DOCK4: variants seen among roughly 807,000 people sequenced by gnomAD.
DOCK4 encodes the protein dedicator of cytokinesis 4.
Under a neutral mutation model 268.1 loss-of-function variants are expected in DOCK4, and 97 were observed. The observed-to-expected ratio is 0.36, with a 90% CI of 0.31 to 0.43. The LOEUF (loss-of-function observed/expected upper bound fraction) is 0.43, where lower values mean the gene tolerates loss of function less well. Ranked by LOEUF, DOCK4 falls within the 20% of genes least tolerant of loss-of-function variation. The probability of loss-of-function intolerance (pLI) is 1.00; values close to 1 mark genes in which losing one functional copy is unlikely to be tolerated. For synonymous variants in DOCK4, 954 were observed against 887.2 expected (o/e 1.08, Z -1.34); for missense variants, 2,145 against 2,455.7 (o/e 0.87, Z 2.67).
Position 111,915,868 on chromosome 7 carries a change from A to G in DOCK4, c.1103T>C (p.Ile368Thr). ...TGAATATTCCCTTCTGATTTGTTCA[A>G]TGTCTCCGTGCAATAGCTGTAAGGA... is the stretch of plus-strand genomic sequence containing the variant. ...AVSLQLLHGD[I>T]EQIRREYSSV... The change falls in exon 13 of 53, where the codon ATT becomes ACT. Residue 368 changes from isoleucine to threonine, a missense_variant. Ile to Thr is a moderately conservative substitution (Grantham distance 89). This residue lies in a region of DOCK4 where 1,598 missense variants were observed against 1,986.7 expected (regional missense o/e 0.80). Coordinates refer to ENST00000428084, the MANE Select transcript of DOCK4 (RefSeq NM_001363540.2). The G allele has an allele frequency of 1.2e-6, 2 of 1,612,604 alleles. No individual in the cohort carries two copies. Among genetic ancestry groups the G allele is most frequent in the Non-Finnish European group, 8.5e-7 (1 of 1,179,294 alleles).
intron 35 of DOCK4, among the ~76,000 whole-genome samples, chr7:111,782,453 T>G (rs1478432450): frequency 1.3e-5 from 2 of 152,194 alleles, no homozygotes; most frequent in Non-Finnish European, 2.9e-5. Flanking sequence ...AAATGTGGAC[T>G]GCATATCACT....
chr7:112,173,370 CTTG>C (rs1290114690), intron 1 of DOCK4, among the ~76,000 whole-genome samples: 2 of 152,274 alleles, frequency 1.3e-5, no homozygotes, highest in African/African-American at 2.4e-5. Context: ...GACAATAGCC[CTTG>C]TTGTACTAAA....
In DOCK4 at chr7:111,936,485, A is replaced by AATGAATGGATGAATGG. The variant is rs371416256; in HGVS notation, c.978-858_978-857insCCATTCATCCATTCAT. Among the ~76,000 whole-genome samples, 381 of 148,168 alleles carry AATGAATGGATGAATGG rather than the reference A, an allele frequency of 2.6e-3. 2 individuals carry two copies. The highest frequency in any genetic ancestry group is 9.4e-3 in the African/African-American group (368 of 39,004). Reference sequence around the variant, plus strand: ...ATGCTTAAAAACTGTCAGTGGTATGAATGGATGGATGGATGGATGGATGGA... The same window carrying AATGAATGGATGAATGG: ...ATGCTTAAAAACTGTCAGTGGTATGAATGAATGGATGAATGGATGGATGGATGGATGGATGGATGGA... On this transcript the variant is annotated intron_variant, in intron 11 of 52. Coordinates refer to ENST00000428084, the MANE Select transcript of DOCK4 (RefSeq NM_001363540.2).
chr7:111,734,884 T>C (rs1795361793), intron 51 of DOCK4, among the ~76,000 whole-genome samples, 170 bp downstream of exon 51: 1 of 152,174 alleles, frequency 6.6e-6, no homozygotes, highest in African/African-American at 2.4e-5. Flanking sequence ...TGACCCCGTG[T>C]AATAGAAGTT....
rs993006085 is a variant in DOCK4, at chr7:111,741,441, T to C, written c.4919+99A>G. Reference sequence around the variant, plus strand: ...GCGGGTTAGTTATTTCATTAAGAAATAGCGTATTTGACAAATTGTGCCATA... The same window carrying C: ...GCGGGTTAGTTATTTCATTAAGAAACAGCGTATTTGACAAATTGTGCCATA... On this transcript the variant is annotated intron_variant, in intron 46 of 52. Transcript: ENST00000428084. 5 of 1,513,054 alleles carry C rather than the reference T, an allele frequency of 3.3e-6. No homozygotes were observed. The African/African-American group carries it at 4.2e-5, about 13-fold the overall frequency. 93.7% of individuals were successfully genotyped at this position (1,513,054 alleles called of 1,614,324 possible).
At chr7:111,936,515 T>TAGATGGAC (rs1794752088) in intron 11 of DOCK4, among the ~76,000 whole-genome samples, 1 of 152,030 alleles carries the variant, frequency 6.6e-6, no homozygotes, top group Admixed American at 6.6e-5. Context: ...GATGGATGGA[T>TAGATGGAC]GGATGGATGG....
At chr7:112,123,362 T>C (rs1812918998) in intron 1 of DOCK4, among the ~76,000 whole-genome samples, 1 of 152,184 alleles carries the variant, frequency 6.6e-6, no homozygotes. Context: ...CAAAGTGCCG[T>C]ATTTGGGGAT....
rs756646131 is a variant in DOCK4, at chr7:111,769,727, T to C, written c.3680-50A>G. The stretch of plus-strand genomic sequence containing the variant: ...GATTGAGACAGGACCCCAAGCCACA[T>C]TCCCTCAAATGTGGCCAGTTTCCGA... On this transcript the variant is annotated intron_variant, in intron 36 of 52. Transcript: ENST00000428084. The C allele has an allele frequency of 1.3e-5, 20 of 1,578,432 alleles. No homozygotes were observed. In the East Asian group the frequency reaches 2.5e-4, roughly 20 times the overall value.
intron 1 of DOCK4, among the ~76,000 whole-genome samples, chr7:112,039,765 C>T (rs1378615954): frequency 6.6e-6 from 1 of 152,004 alleles, no homozygotes; most frequent in Non-Finnish European, 1.5e-5. Context: ...AATCAGAGAA[C>T]CTAGTTACTC....
intron 20 of DOCK4, among the ~76,000 whole-genome samples, chr7:111,871,671 T>C (rs1262380946): frequency 6.6e-6 from 1 of 152,228 alleles, no homozygotes; most frequent in African/African-American, 2.4e-5. Flanking sequence ...AGTGATGAAG[T>C]GGGACTCTTA....
At chr7:112,097,682 A>G (rs1437778168) in intron 1 of DOCK4, among the ~76,000 whole-genome samples, 2 of 152,346 alleles carry the variant, frequency 1.3e-5, no homozygotes, top group East Asian at 3.9e-4. Context: ...TCTGATCAGT[A>G]TTGTTTGTAA....
chr7:111,918,163 A>G (rs1259210106), intron 12 of DOCK4, among the ~76,000 whole-genome samples: 1 of 152,236 alleles, frequency 6.6e-6, no homozygotes, highest in Non-Finnish European at 1.5e-5. Flanking sequence ...AATCGGAGCT[A>G]GATGAGGGGC....
chr7:112,143,708 TATAAA>T, intron 1 of DOCK4, among the ~76,000 whole-genome samples: 1 of 152,274 alleles, frequency 6.6e-6, no homozygotes, highest in African/African-American at 2.4e-5. Context: ...AATGTGTTTA[TATAAA>T]GTCTCCTGAG....
At chr7:111,742,288 A>G (rs930148208) in intron 44 of DOCK4, among the ~76,000 whole-genome samples, 156 bp from the exon 45 acceptor site, 1 of 152,198 alleles carries the variant, frequency 6.6e-6, no homozygotes, top group South Asian at 2.1e-4. Context: ...ACAGGTGAAG[A>G]AAAACTGAGG....
intron 27 of DOCK4, chr7:111,820,991 T>TAA (rs558498066): frequency 3.9e-5 from 6 of 152,164 alleles, no homozygotes; most frequent in Non-Finnish European, 8.8e-5. Flanking sequence ...TACTCACAGA[T>TAA]ATCAAACTAA....
In DOCK4 at chr7:111,747,235, C is replaced by T. The variant is rs773006195; in HGVS notation, c.4593+32G>A. 9 of 1,588,068 alleles carry T rather than the reference C, an allele frequency of 5.7e-6. No individual in the cohort carries two copies. In the African/African-American group the frequency reaches 1.1e-4, roughly 19 times the overall value. ...AACCCTAAGAAGTCACAATTGAAAA[C>T]TTTCTCTGAAACAACAATACCTAAT... On this transcript the variant is annotated intron_variant, in intron 43 of 52. Transcript: ENST00000428084.
intron 1 of DOCK4, among the ~76,000 whole-genome samples, chr7:112,057,935 G>T (rs1410651344): frequency 1.3e-5 from 2 of 149,682 alleles, no homozygotes; most frequent in South Asian, 4.2e-4. Context: ...GTCTGTTTTT[G>T]TAAGTGCTTT....
At chr7:112,120,335 G>A (rs1188846621) in intron 1 of DOCK4, among the ~76,000 whole-genome samples, 1 of 151,992 alleles carries the variant, frequency 6.6e-6, no homozygotes, top group Admixed American at 6.6e-5. Flanking sequence ...TGATAAAACT[G>A]TTTAGTAGCG....
At chr7:112,027,852 A>G (rs1350746961) in intron 1 of DOCK4, among the ~76,000 whole-genome samples, 1 of 152,236 alleles carries the variant, frequency 6.6e-6, no homozygotes, top group African/African-American at 2.4e-5. Flanking sequence ...GTACCAAGAA[A>G]AGAAGCTGAG....
Sources: gnomAD v4.1 joint callset for allele counts (sites outside exome capture counted in the v4.1 genomes callset) on GRCh38, gnomAD v4.1.1 for gene constraint, gnomAD v4.1.1 regional missense constraint, MANE v1.5 for transcripts, NCBI Gene and HGNC (gene_info 2026-07-23, HGNC 2026-07-21) for gene names.